Variants in TMC7 observed in about 807,000 individuals in gnomAD.
TMC7 encodes the protein transmembrane channel like 7.
In TMC7, 54 loss-of-function variants were observed where a neutral mutation model predicts 82.9. The observed-to-expected ratio is 0.65, with a 90% confidence interval of 0.52 to 0.82. The LOEUF (loss-of-function observed/expected upper bound fraction) is 0.82, where lower values mean the gene tolerates loss of function less well. TMC7 is among the 40% of genes least tolerant of loss of function. TMC7 has a pLI of 0.00. For synonymous variants in TMC7, 350 were observed against 337.9 expected, an observed-to-expected ratio of 1.04 and a Z score of -0.39; for missense variants, 820 against 901.2, an observed-to-expected ratio of 0.91 and a Z score of 1.15.
chr16:19,012,417 G>A (rs1394272856), intron 2 of TMC7, among the ~76,000 whole-genome samples: 3 of 152,000 alleles, frequency 2.0e-5, no homozygotes, highest in African/African-American at 7.2e-5. Flanking sequence ...GGACTTCCAG[G>A]CTCACTGGAA....
chr16:19,059,130 G>A (rs538971858), intron 14 of TMC7, among the ~76,000 whole-genome samples: 5 of 152,104 alleles, frequency 3.3e-5, no homozygotes, highest in South Asian at 2.1e-4. Context: ...CGCCTGCCTC[G>A]GCCTCCCAAA....
chr16:19,055,812 C>G (rs926385249), intron 13 of TMC7, among the ~76,000 whole-genome samples: 3 of 152,090 alleles, frequency 2.0e-5, no homozygotes, highest in African/African-American at 7.2e-5. Flanking sequence ...TATACCTACC[C>G]CCGTCACCTA....
At chr16:19,055,773 C>G (rs1961742610) in intron 13 of TMC7, among the ~76,000 whole-genome samples, 1 of 151,900 alleles carries the variant, frequency 6.6e-6, no homozygotes, top group Non-Finnish European at 1.5e-5. Flanking sequence ...GGTTTGTTAC[C>G]TAGGTAAATG....
chr16:19,056,605 C>T lies in TMC7; in HGVS notation c.1935C>T (p.Pro645=). 6.2e-7 allele frequency: 1 copy of T among 1,614,060 alleles called. No individual in the cohort carries two copies. The highest frequency in any genetic ancestry group is 8.5e-7 in the Non-Finnish European group (1 of 1,180,012). ...TCAACACCACCTGGGAGGTCATCCC[C>T]AAGACGGTGAGCACCTTCCCCAGCT... The part of the protein sequence containing the change: ...TNFNTTWEVI[P]KTVSTFPSSL... Residue 645 remains proline (P), a synonymous_variant, in exon 14 of 16, where the codon CCC becomes CCT. Transcript: ENST00000304381.
At chr16:18,991,679 G>A (rs1240490852) in intron 1 of TMC7, among the ~76,000 whole-genome samples, 4 of 152,056 alleles carry the variant, frequency 2.6e-5, no homozygotes, top group African/African-American at 7.2e-5. Context: ...TTGGTATGCT[G>A]CACCCATTAA....
intron 8 of TMC7, 91 bp from the exon 9 acceptor site, chr16:19,040,198 A>G (rs11074355): frequency 0.62 from 691,556 of 1,109,078 alleles, 219,498 homozygotes; most frequent in East Asian, 0.79. Flanking sequence ...TTGTTTGCCC[A>G]ACACACATAG....
intron 13 of TMC7, among the ~76,000 whole-genome samples, chr16:19,054,224 C>T (rs2142310957): frequency 6.6e-6 from 1 of 152,152 alleles, no homozygotes; most frequent in Non-Finnish European, 1.5e-5. Flanking sequence ...TTTTTTCTCT[C>T]CTTTTCATTT....
At chr16:19,058,534 T>G (rs938399180) in intron 14 of TMC7, among the ~76,000 whole-genome samples, 2 of 152,228 alleles carry the variant, frequency 1.3e-5, no homozygotes, top group Non-Finnish European at 2.9e-5. Context: ...CTCAGCTGAC[T>G]TTCTCAACCA....
At position 19,042,713 on chromosome 16, in the gene TMC7, T is replaced by G. The variant is rs1961074889; in HGVS notation, c.1338-2171T>G. On this transcript the variant is annotated intron_variant, in intron 9 of 15. Transcript: ENST00000304381. The stretch of plus-strand genomic sequence containing the variant: ...TTAGTAGAGATGGGCTTTCACCATG[T>G]TAGCCAAATGTTTCTATTTAATTTA... 1.3e-5 allele frequency among the ~76,000 whole-genome samples: 2 copies of G among 151,584 alleles called. 1 individual carries two copies. The highest frequency in any genetic ancestry group is 4.2e-4 in the South Asian group (2 of 4,810).
intron 1 of TMC7, among the ~76,000 whole-genome samples, chr16:19,004,040 TTTA>T (rs1253661244): frequency 7.5e-5 from 1 of 13,294 alleles, no homozygotes; most frequent in African/African-American, 1.0e-4. Flanking sequence ...AAAAAATAAA[TTTA>T]AAAAAAAAAA....
At chr16:19,061,192 A>G (rs1961993775) in intron 15 of TMC7, among the ~76,000 whole-genome samples, 1 of 151,890 alleles carries the variant, frequency 6.6e-6, no homozygotes, top group Admixed American at 6.6e-5. Flanking sequence ...TTTAGTAGAG[A>G]CGGGGTTTCG....
intron 2 of TMC7, among the ~76,000 whole-genome samples, chr16:19,011,546 T>TAAATAAAA (rs1210345213): frequency 2.0e-4 from 30 of 149,126 alleles, no homozygotes; most frequent in South Asian, 2.1e-4. Context: ...AATAAATAAA[T>TAAATAAAA]AAAATAATAA....
Position 19,047,268 on chromosome 16 carries a change from T to C in TMC7, c.1740+19T>C. 6.2e-7 allele frequency: 1 copy of C among 1,609,334 alleles called. No individual in the cohort carries two copies. ...GAAAGAGGTAAGGAGCCGGTGGGAA[T>C]GGGGGCTCATATACTGGGCCATTTT... On this transcript the variant is annotated intron_variant, in intron 12 of 15. Transcript: ENST00000304381.
chr16:19,005,388 C>T (rs971246760), intron 1 of TMC7, among the ~76,000 whole-genome samples: 4 of 152,214 alleles, frequency 2.6e-5, no homozygotes, highest in South Asian at 2.1e-4. Context: ...ACGCCTGGCC[C>T]GCATGTTAAA....
intron 1 of TMC7, among the ~76,000 whole-genome samples, chr16:19,000,232 G>A (rs185437725): frequency 6.6e-6 from 1 of 152,108 alleles, no homozygotes; most frequent in African/African-American, 2.4e-5. Context: ...TTGGGAGGCT[G>A]AGGCAAGTGG....
chr16:19,015,275 T>C (rs1227542932), intron 2 of TMC7, among the ~76,000 whole-genome samples: 1 of 151,918 alleles, frequency 6.6e-6, no homozygotes, highest in African/African-American at 2.4e-5. Flanking sequence ...CCTTGTTTTT[T>C]TTTTTGTGAC....
chr16:19,003,591 G>GT (rs2039181185), intron 1 of TMC7, among the ~76,000 whole-genome samples: 1 of 147,044 alleles, frequency 6.8e-6, no homozygotes. Flanking sequence ...GAATAGAAAG[G>GT]CGGGAAAGGT....
intron 5 of TMC7, among the ~76,000 whole-genome samples, chr16:19,026,685 A>G (rs1393987857): frequency 6.6e-6 from 1 of 152,210 alleles, no homozygotes; most frequent in Non-Finnish European, 1.5e-5. Flanking sequence ...GCATGATAAC[A>G]GCCTGTCTGA....
chr16:19,030,129 A>C (rs1960441446), intron 5 of TMC7, 95 bp from the exon 6 acceptor site: 32 of 1,277,714 alleles, frequency 2.5e-5, no homozygotes, highest in Middle Eastern at 5.6e-4. Context: ...AGGAAAGGGG[A>C]CACTGGAACT....
Sources: gnomAD v4.1 joint callset for allele counts (sites outside exome capture counted in the v4.1 genomes callset) on GRCh38, gnomAD v4.1.1 for gene constraint, MANE v1.5 for transcripts, NCBI Gene and HGNC (gene_info 2026-07-23, HGNC 2026-07-21) for gene names.